SRRM4: variants seen among roughly 807,000 people sequenced by gnomAD.
SRRM4 encodes the protein serine/arginine repetitive matrix 4.
SRRM4 carries 33 observed loss-of-function variants against 68.9 expected under a neutral mutation model. The observed-to-expected ratio is 0.48, with a 90% CI of 0.36 to 0.64. The LOEUF is 0.64. SRRM4 is among the 30% of genes least tolerant of loss of function. The pLI is 0.00. For synonymous variants in SRRM4, 318 were observed against 318.8 expected, an observed-to-expected ratio of 1.00 and a Z score of 0.03; for missense variants, 817 against 827.1, an observed-to-expected ratio of 0.99 and a Z score of 0.15.
intron 1 of SRRM4, among the ~76,000 whole-genome samples, chr12:119,008,378 T>A (rs901182792): frequency 2.7e-5 from 4 of 146,652 alleles, no homozygotes; most frequent in East Asian, 2.0e-4. Flanking sequence ...AAAAAAAAAA[T>A]GAATAAAAAG....
rs1197214040 is a variant in SRRM4 at position 119,153,613 on chromosome 12, G to A, written c.1355G>A (p.Arg452His). The A allele has an allele frequency of 1.3e-6, 2 of 1,567,336 alleles. No individual in the cohort carries two copies. The highest frequency in any genetic ancestry group is 1.7e-6 in the Non-Finnish European group (2 of 1,157,480). ...CCGCCCAGCAGAAGCTCTAGGTCCC[G>A]CCGCAGCCCTAGCTACTCCCGCTAC... is the stretch of plus-strand genomic sequence containing the variant. ...RSPPSRSSRS[R>H]RSPSYSRYSP... The change falls in exon 11 of 13, where the codon CGC (arginine) becomes CAC (histidine). Residue 452 changes from arginine to histidine, a missense_variant. By Grantham distance (29) the Arg-to-His change is conservative. Transcript: ENST00000267260.
intron 1 of SRRM4, among the ~76,000 whole-genome samples, chr12:119,079,986 C>T (rs1026177045): frequency 4.0e-5 from 6 of 151,684 alleles, no homozygotes; most frequent in African/African-American, 1.5e-4. Context: ...TGATTTTCTC[C>T]TTGATTTAAT....
intron 1 of SRRM4, among the ~76,000 whole-genome samples, chr12:119,045,542 G>A (rs1953701690): frequency 7.4e-6 from 1 of 135,288 alleles, no homozygotes; most frequent in Admixed American, 9.5e-5. Flanking sequence ...TCTTTGGTCT[G>A]TGATTACAGA....
intron 1 of SRRM4, among the ~76,000 whole-genome samples, chr12:119,070,755 A>G (rs1437222702): frequency 2.0e-5 from 3 of 152,200 alleles, no homozygotes; most frequent in Non-Finnish European, 4.4e-5. Context: ...ATCCCGTTTT[A>G]TGGTCCAAAG....
chr12:119,153,644 C>T lies in SRRM4; in HGVS notation c.1386C>T (p.Pro462=), dbSNP rs185307849. ...RRSPSYSRYS[P]SRERDPKYSE... ...GCCCTAGCTACTCCCGCTACAGCCC[C>T]AGCAGGTACCGGCCCCGCCCCTCAA... The change falls in exon 11 of 13, where the codon CCC becomes CCT. Residue 462 remains proline (P), a synonymous_variant. Coordinates refer to ENST00000267260, the MANE Select transcript of SRRM4 (RefSeq NM_194286.4). 4.5e-4 allele frequency: 703 copies of T among 1,552,350 alleles called. 4 individuals carry two copies. The African/African-American group carries it at 7.7e-3, about 17-fold the overall frequency.
chr12:119,063,705 T>A (rs1275531899), intron 1 of SRRM4, among the ~76,000 whole-genome samples: 3 of 152,222 alleles, frequency 2.0e-5, no homozygotes, highest in African/African-American at 7.2e-5. Flanking sequence ...ATGCTAGACA[T>A]TGGTCTCTGG....
chr12:119,089,396 C>T (rs1954000303), intron 1 of SRRM4, among the ~76,000 whole-genome samples: 1 of 152,200 alleles, frequency 6.6e-6, no homozygotes, highest in South Asian at 2.1e-4. Flanking sequence ...ACAGACATTT[C>T]CTATCAACTC....
At chr12:119,021,358 G>A (rs933802433) in intron 1 of SRRM4, among the ~76,000 whole-genome samples, 2 of 152,204 alleles carry the variant, frequency 1.3e-5, no homozygotes, top group African/African-American at 4.8e-5. Context: ...ATGGAAAAGA[G>A]GCAGAATGAC....
chr12:118,986,113 A>G (rs1304777631), intron 1 of SRRM4, among the ~76,000 whole-genome samples: 2 of 152,190 alleles, frequency 1.3e-5, no homozygotes, highest in African/African-American at 4.8e-5. Flanking sequence ...AAGGCAGAAA[A>G]AAAAATGCCT....
At chr12:119,051,252 T>G (rs1045868473) in intron 1 of SRRM4, among the ~76,000 whole-genome samples, 1 of 152,178 alleles carries the variant, frequency 6.6e-6, no homozygotes, top group Non-Finnish European at 1.5e-5. Context: ...CAATGTGCAT[T>G]TACATAAGAT....
intron 1 of SRRM4, among the ~76,000 whole-genome samples, chr12:119,050,472 T>A (rs1233421890): frequency 2.0e-5 from 3 of 152,224 alleles, no homozygotes; most frequent in Non-Finnish European, 4.4e-5. Flanking sequence ...TAGGTGTTCA[T>A]AAATTTTCCT....
At chr12:119,002,730 G>C (rs1043773509) in intron 1 of SRRM4, among the ~76,000 whole-genome samples, 1 of 152,098 alleles carries the variant, frequency 6.6e-6, no homozygotes. Context: ...CCTAGGTACC[G>C]TGTTTGGTGC....
At chr12:119,022,399 C>A (rs1490368138) in intron 1 of SRRM4, among the ~76,000 whole-genome samples, 1 of 152,150 alleles carries the variant, frequency 6.6e-6, no homozygotes, top group Non-Finnish European at 1.5e-5. Context: ...GGCCAAAATT[C>A]TAGGTAGTGA....
At chr12:119,027,400 G>C (rs1396365714) in intron 1 of SRRM4, among the ~76,000 whole-genome samples, 1 of 152,208 alleles carries the variant, frequency 6.6e-6, no homozygotes, top group African/African-American at 2.4e-5. Context: ...CTTCCTGAAA[G>C]GTCACGTCCC....
intron 1 of SRRM4, among the ~76,000 whole-genome samples, chr12:119,049,742 T>C (rs1415118866): frequency 6.6e-6 from 1 of 152,214 alleles, no homozygotes. Flanking sequence ...GATCAAGGTG[T>C]CAGCAGGTTT....
intron 1 of SRRM4, among the ~76,000 whole-genome samples, chr12:119,038,960 A>G (rs1953647526): frequency 6.6e-6 from 1 of 152,236 alleles, no homozygotes; most frequent in Non-Finnish European, 1.5e-5. Flanking sequence ...GTGGAACACC[A>G]CCTACTAAGA....
chr12:119,028,478 T>C (rs914097678), intron 1 of SRRM4, among the ~76,000 whole-genome samples: 12 of 152,232 alleles, frequency 7.9e-5, no homozygotes, highest in African/African-American at 2.9e-4. Flanking sequence ...TCTTCTCTTG[T>C]CTGCCGCCAT....
chr12:119,053,729 A>G (rs1049738861), intron 1 of SRRM4, among the ~76,000 whole-genome samples: 7 of 150,190 alleles, frequency 4.7e-5, no homozygotes, highest in African/African-American at 1.7e-4. Context: ...CTTCCTTGTG[A>G]TCAAAATCCC....
chr12:119,128,421 G>C (rs1954274121), intron 7 of SRRM4, among the ~76,000 whole-genome samples: 1 of 152,168 alleles, frequency 6.6e-6, no homozygotes, highest in Non-Finnish European at 1.5e-5. Flanking sequence ...CAAAGCTCCA[G>C]ATCTGTAAAT....
Sources: gnomAD v4.1 joint callset for allele counts (sites outside exome capture counted in the v4.1 genomes callset) on GRCh38, gnomAD v4.1.1 for gene constraint, MANE v1.5 for transcripts, NCBI Gene and HGNC (gene_info 2026-07-23, HGNC 2026-07-21) for gene names.